Variants in ASIC2 observed in about 807,000 individuals in gnomAD.
ASIC2 encodes acid sensing ion channel subunit 2.
A neutral mutation model predicts 57.3 loss-of-function variants in ASIC2; 25 were observed. That is an observed-to-expected ratio of 0.44 (90% confidence interval 0.32 to 0.61). The LOEUF (loss-of-function observed/expected upper bound fraction) is 0.61. Ranked by LOEUF, ASIC2 falls within the 20% of genes least tolerant of loss-of-function variation. The probability of loss-of-function intolerance (pLI) is 0.06; values close to 1 mark genes in which losing one functional copy is unlikely to be tolerated. For missense variants in ASIC2, 641 were observed against 738.1 expected (o/e 0.87, Z 1.52); for synonymous variants, 319 against 307.5 (o/e 1.04, Z -0.39).
intron 1 of ASIC2, among the ~76,000 whole-genome samples, chr17:33,766,978 A>G (rs1910953167): frequency 6.6e-6 from 1 of 152,228 alleles, no homozygotes; most frequent in African/African-American, 2.4e-5. Flanking sequence ...TTTGCTTATG[A>G]TAATTTTTGA....
intron 1 of ASIC2, among the ~76,000 whole-genome samples, chr17:34,083,395 G>A (rs1909973643): frequency 6.6e-6 from 1 of 151,630 alleles, no homozygotes; most frequent in Admixed American, 6.6e-5. Flanking sequence ...GTGTATATGT[G>A]CCACATTTTC....
In ASIC2 at chr17:33,618,063, T is replaced by C. The variant is rs539302311; in HGVS notation, c.556-505996A>G. 2.0e-5 allele frequency among the ~76,000 whole-genome samples: 3 copies of C among 152,202 alleles called. No individual in the cohort carries two copies. In the South Asian group the frequency reaches 6.2e-4, roughly 32 times the overall value. On this transcript the variant is annotated intron_variant, in intron 1 of 9. Transcript: ENST00000359872. ...AGTAGACTCCTTCTCAGACCAATAG[T>C]TGATTGTGCAGAAACCTGGGGATGG...
At chr17:33,051,012 A>G (rs1306516813) in intron 3 of ASIC2, among the ~76,000 whole-genome samples, 1 of 152,176 alleles carries the variant, frequency 6.6e-6, no homozygotes, top group African/African-American at 2.4e-5. Flanking sequence ...TTAGATTTCA[A>G]CAGTCTAATG....
intron 1 of ASIC2, among the ~76,000 whole-genome samples, chr17:33,716,626 G>T (rs1597847424): frequency 6.6e-6 from 1 of 152,148 alleles, no homozygotes; most frequent in African/African-American, 2.4e-5. Flanking sequence ...TCCCATGACT[G>T]CATCTCCTGC....
intron 1 of ASIC2, among the ~76,000 whole-genome samples, chr17:33,155,205 G>A (rs1388161516): frequency 6.6e-6 from 1 of 152,224 alleles, no homozygotes; most frequent in Non-Finnish European, 1.5e-5. Flanking sequence ...CATTGGCTGG[G>A]TGCTCAATAA....
chr17:33,839,378 C>T (rs1354324187), intron 1 of ASIC2, among the ~76,000 whole-genome samples: 1 of 152,180 alleles, frequency 6.6e-6, no homozygotes, highest in Non-Finnish European at 1.5e-5. Flanking sequence ...CCCAGAGTCC[C>T]ACAGTTCCTA....
chr17:33,635,569 G>T (rs191841719), intron 1 of ASIC2, among the ~76,000 whole-genome samples: 5 of 152,316 alleles, frequency 3.3e-5, no homozygotes, highest in African/African-American at 9.6e-5. Flanking sequence ...CAAGTGAATT[G>T]CTGGAGAATG....
chr17:34,041,120 C>T (rs1908114071), intron 1 of ASIC2: 2 of 152,182 alleles, frequency 1.3e-5, no homozygotes, highest in Admixed American at 6.5e-5. Flanking sequence ...GTGCTATGCT[C>T]TGGAGGGGGA....
intron 1 of ASIC2, among the ~76,000 whole-genome samples, chr17:33,251,874 A>G (rs1597651555): frequency 6.6e-6 from 1 of 152,202 alleles, no homozygotes; most frequent in East Asian, 1.9e-4. Flanking sequence ...TTCAGGAGAC[A>G]GTCCTTGAAT....
chr17:33,863,790 G>T (rs530876381), intron 1 of ASIC2, among the ~76,000 whole-genome samples: 1 of 152,116 alleles, frequency 6.6e-6, no homozygotes, highest in African/African-American at 2.4e-5. Flanking sequence ...TTTTAATAAA[G>T]AAAGAACAAA....
chr17:33,964,841 T>C (rs1366406001), intron 1 of ASIC2, among the ~76,000 whole-genome samples: 5 of 152,228 alleles, frequency 3.3e-5, no homozygotes, highest in African/African-American at 1.2e-4. Flanking sequence ...GAACATAGGC[T>C]TCTTGTCCTG....
intron 1 of ASIC2, among the ~76,000 whole-genome samples, chr17:33,651,525 A>G (rs1207762164): frequency 6.6e-6 from 1 of 152,258 alleles, no homozygotes; most frequent in African/African-American, 2.4e-5. Flanking sequence ...TCAGTCAATT[A>G]GGACTCAGCA....
At chr17:33,445,088 A>G (rs1038487958) in intron 1 of ASIC2, among the ~76,000 whole-genome samples, 4 of 152,172 alleles carry the variant, frequency 2.6e-5, no homozygotes, top group African/African-American at 9.7e-5. Context: ...AATGAAAACT[A>G]CAGTAGCCAA....
chr17:33,901,326 G>T (rs1157976435), intron 1 of ASIC2, among the ~76,000 whole-genome samples: 1 of 152,122 alleles, frequency 6.6e-6, no homozygotes, highest in African/African-American at 2.4e-5. Context: ...TATCATCAGT[G>T]GCCAGTTTTT....
intron 1 of ASIC2, among the ~76,000 whole-genome samples, chr17:33,848,099 T>G (rs907152875): frequency 3.3e-5 from 5 of 152,168 alleles, no homozygotes; most frequent in African/African-American, 1.2e-4. Flanking sequence ...CTTCAGAGCC[T>G]GAGCTCTTTG....
At chr17:33,509,316 AC>A (rs1195727256) in intron 1 of ASIC2, among the ~76,000 whole-genome samples, 2 of 152,136 alleles carry the variant, frequency 1.3e-5, no homozygotes, top group Non-Finnish European at 2.9e-5. Flanking sequence ...TTAGGCTCTA[AC>A]CCCCTTTTAG....
At chr17:33,460,655 G>A (rs1912605431) in intron 1 of ASIC2, among the ~76,000 whole-genome samples, 1 of 152,202 alleles carries the variant, frequency 6.6e-6, no homozygotes, top group African/African-American at 2.4e-5. Flanking sequence ...AGATTCTGTA[G>A]GAGCTAATAT....
intron 1 of ASIC2, among the ~76,000 whole-genome samples, chr17:33,390,619 G>T (rs549996502): frequency 6.6e-6 from 1 of 152,264 alleles, no homozygotes; most frequent in South Asian, 2.1e-4. Context: ...TTCTGTGGTT[G>T]TTAGTGGAAT....
intron 1 of ASIC2, among the ~76,000 whole-genome samples, chr17:33,311,975 T>C (rs1777513162): frequency 6.6e-6 from 1 of 152,208 alleles, no homozygotes; most frequent in South Asian, 2.1e-4. Context: ...TCTTTTCAAG[T>C]TCCCCTTGGC....
Sources: allele counts gnomAD v4.1 joint callset (sites outside exome capture counted in the v4.1 genomes callset), GRCh38; gene constraint gnomAD v4.1.1; transcripts MANE v1.5; gene names NCBI Gene and HGNC (gene_info 2026-07-23, HGNC 2026-07-21).